Variants in CYYR1 observed in about 807,000 individuals in gnomAD.
CYYR1 encodes the protein cysteine and tyrosine rich 1, also known as cysteine and tyrosine-rich protein 1.
Under a neutral mutation model 15.2 loss-of-function variants are expected in CYYR1, and 14 were observed. The observed-to-expected ratio is 0.92, with a 90% CI of 0.61 to 1.44. CYYR1 has a LOEUF of 1.44. Ranked by LOEUF, CYYR1 falls within the 40% of genes most tolerant of loss-of-function variation. The probability of loss-of-function intolerance (pLI) is 0.00; values close to 1 mark genes in which losing one functional copy is unlikely to be tolerated. For missense variants in CYYR1, 228 were observed against 209.5 expected (o/e 1.09, Z -0.54); for synonymous variants, 80 against 77.4 (o/e 1.03, Z -0.18).
intron 2 of CYYR1, among the ~76,000 whole-genome samples, chr21:26,536,042 C>T (rs1978298007): frequency 6.6e-6 from 1 of 152,142 alleles, no homozygotes; most frequent in Non-Finnish European, 1.5e-5. Flanking sequence ...CTTCGAGACG[C>T]TTACAACCAT....
rs939019143 is a variant in CYYR1, at chr21:26,571,314, A to C, written c.73+1554T>G. On this transcript the variant is annotated intron_variant, in intron 1 of 3. Coordinates refer to ENST00000652641, the MANE Select transcript of CYYR1 (RefSeq NM_001320768.2). The stretch of plus-strand genomic sequence containing the variant: ...TAGTAAGTCAACTTAGCACTGGCTT[A>C]CAACTACTTTGTAGCTTATGATAGA... Among the ~76,000 whole-genome samples the C allele has an allele frequency of 2.3e-4, 35 of 152,276 alleles. 1 individual carries two copies. Among genetic ancestry groups the C allele is most frequent in the African/African-American group, 8.2e-4 (34 of 41,484 alleles).
chr21:26,508,139 A>G (rs930933328), intron 2 of CYYR1, among the ~76,000 whole-genome samples: 1 of 152,236 alleles, frequency 6.6e-6, no homozygotes. Flanking sequence ...ATGAGAGGGC[A>G]TGGCATTTGC....
intron 2 of CYYR1, among the ~76,000 whole-genome samples, chr21:26,523,247 C>T (rs2065823943): frequency 6.6e-6 from 1 of 152,108 alleles, no homozygotes; most frequent in Non-Finnish European, 1.5e-5. Context: ...TTGATGCTAC[C>T]TCTAAAACAT....
intron 2 of CYYR1, among the ~76,000 whole-genome samples, chr21:26,535,539 G>A (rs113627378): frequency 0.035 from 5,387 of 152,272 alleles, 158 homozygotes; most frequent in South Asian, 0.15. Context: ...AATAGAGCAA[G>A]GAAGGCTTGT....
chr21:26,543,928 T>C (rs180786635), intron 2 of CYYR1, among the ~76,000 whole-genome samples: 1 of 151,588 alleles, frequency 6.6e-6, no homozygotes, highest in East Asian at 1.9e-4. Context: ...TAATAATAAA[T>C]AAATAAAATA....
Position 26,540,307 on chromosome 21 carries a change from A to T in CYYR1, c.176+25959T>A, listed in dbSNP as rs1978456033. 2.0e-5 allele frequency among the ~76,000 whole-genome samples: 3 copies of T among 152,204 alleles called. No homozygotes were observed. The South Asian group carries it at 6.2e-4, about 31-fold the overall frequency. The stretch of plus-strand genomic sequence containing the variant: ...TCAAAACTGGGAAGAAGGAAATGGA[A>T]CTGAGTAGCGTTCCATTGATAAGGC... On this transcript the variant is annotated intron_variant, in intron 2 of 3. Coordinates refer to ENST00000652641, the MANE Select transcript of CYYR1 (RefSeq NM_001320768.2).
At chr21:26,508,192 C>G (rs1392572932) in intron 2 of CYYR1, among the ~76,000 whole-genome samples, 1 of 152,172 alleles carries the variant, frequency 6.6e-6, no homozygotes, top group East Asian at 1.9e-4. Context: ...TGGAAAACAA[C>G]AAGCGGCTTT....
chr21:26,485,774 C>G (rs1052398193), intron 2 of CYYR1, among the ~76,000 whole-genome samples: 19 of 152,024 alleles, frequency 1.2e-4, no homozygotes, highest in African/African-American at 4.6e-4. Flanking sequence ...CAATCATGTA[C>G]AGATTTTTGT....
At chr21:26,474,012 G>A (rs1195570523) in intron 3 of CYYR1, among the ~76,000 whole-genome samples, 3 of 148,944 alleles carry the variant, frequency 2.0e-5, no homozygotes, top group African/African-American at 4.9e-5. Context: ...TATATGCCAT[G>A]TTGGTTTTTT....
intron 3 of CYYR1, among the ~76,000 whole-genome samples, chr21:26,476,420 CTCTAGA>C (rs1453306141): frequency 2.0e-5 from 3 of 152,102 alleles, no homozygotes; most frequent in African/African-American, 7.2e-5. Context: ...GCACATTCTC[CTCTAGA>C]TTTAGCATCG....
intron 1 of CYYR1, among the ~76,000 whole-genome samples, chr21:26,570,924 G>C (rs1006981972): frequency 2.0e-5 from 3 of 152,098 alleles, no homozygotes; most frequent in African/African-American, 7.2e-5. Context: ...CAAAGGTCTA[G>C]TTCCTTCAAG....
chr21:26,551,824 C>A, intron 2 of CYYR1: 1 of 274,024 alleles, frequency 3.6e-6, no homozygotes, highest in South Asian at 3.7e-5. Flanking sequence ...GTTGATAAAG[C>A]AGCAGTAGGG....
Position 26,572,968 on chromosome 21 carries a change from G to A in CYYR1, c.-28C>T, listed in dbSNP as rs560478891. The A allele has an allele frequency of 8.1e-6, 13 of 1,613,570 alleles. No homozygotes were observed. In the Admixed American group the frequency reaches 1.2e-4, roughly 14 times the overall value. Reference sequence around the variant, plus strand: ...AAGCCGGTGGCCTGAGGCTTGGAGCGAAGGGAGAGCCCGGAACCGGAGGGA... The same window carrying A: ...AAGCCGGTGGCCTGAGGCTTGGAGCAAAGGGAGAGCCCGGAACCGGAGGGA... On this transcript the variant is annotated 5_prime_UTR_variant, in exon 1 of 4. Coordinates refer to ENST00000652641, the MANE Select transcript of CYYR1 (RefSeq NM_001320768.2).
At chr21:26,499,697 GGCT>G (rs1428836394) in intron 2 of CYYR1, among the ~76,000 whole-genome samples, 2 of 152,176 alleles carry the variant, frequency 1.3e-5, no homozygotes, top group African/African-American at 4.8e-5. Context: ...GTTTGTGAAA[GGCT>G]GCTGGGTCTG....
chr21:26,551,789 G>T (rs536135318), intron 2 of CYYR1: 102 of 262,910 alleles, frequency 3.9e-4, no homozygotes, highest in Non-Finnish European at 6.2e-4. Flanking sequence ...TGACAACAAA[G>T]GATTTAGAAT....
rs1387263389 is a variant in CYYR1, at chr21:26,483,604, C to T, written c.177-3175G>A. On this transcript the variant is annotated intron_variant, in intron 2 of 3. Transcript: ENST00000652641. Reference sequence around the variant, plus strand: ...GGAGCATCAGCCTCACTGCCAATATCCCGGAGCTTGGAATTGTACTCATAA... The same window carrying T: ...GGAGCATCAGCCTCACTGCCAATATTCCGGAGCTTGGAATTGTACTCATAA... Among the ~76,000 whole-genome samples the T allele has an allele frequency of 7.9e-5, 12 of 152,060 alleles. 1 individual carries two copies. Among genetic ancestry groups the T allele is most frequent in the Admixed American group, 7.2e-4 (11 of 15,238 alleles).
chr21:26,526,673 A>T (rs222934), intron 2 of CYYR1, among the ~76,000 whole-genome samples: 2 of 151,978 alleles, frequency 1.3e-5, no homozygotes, highest in East Asian at 3.9e-4. Flanking sequence ...TCAGGAACAC[A>T]TCTTTCTTCC....
intron 2 of CYYR1, chr21:26,550,874 A>T (rs1429894872): frequency 6.6e-6 from 1 of 152,294 alleles, no homozygotes; most frequent in African/African-American, 2.4e-5. Flanking sequence ...TGGCTACATT[A>T]AACAACATAT....
At chr21:26,517,136 A>G (rs1034843456) in intron 2 of CYYR1, among the ~76,000 whole-genome samples, 4 of 149,586 alleles carry the variant, frequency 2.7e-5, no homozygotes, top group African/African-American at 7.4e-5. Flanking sequence ...AAAAAAAAAA[A>G]AAAAAAAAGA....
Sources: gnomAD v4.1 joint callset for allele counts (sites outside exome capture counted in the v4.1 genomes callset) on GRCh38, gnomAD v4.1.1 for gene constraint, MANE v1.5 for transcripts, NCBI Gene and HGNC (gene_info 2026-07-23, HGNC 2026-07-21) for gene names.